The following LONP1 variants were observed in gnomAD, a reference collection of about 807,000 sequenced individuals.
LONP1 encodes the protein lon protease homolog, mitochondrial.
Under a neutral mutation model 98.5 loss-of-function variants are expected in LONP1, and 31 were observed. The observed-to-expected ratio is 0.31, with a 90% CI of 0.24 to 0.42. LONP1 has a LOEUF of 0.42. Among genes scored for constraint, LONP1 ranks in the 20% least tolerant of loss-of-function variants. The pLI is 1.00. For missense variants in LONP1, 1,336 were observed against 1,350.6 expected (o/e 0.99, Z 0.17); for synonymous variants, 781 against 594.7 (o/e 1.31, Z -4.56).
chr19:5,702,183 G>T (rs1428775363), intron 8 of LONP1, among the ~76,000 whole-genome samples: 14 of 149,508 alleles, frequency 9.4e-5, no homozygotes, highest in African/African-American at 3.5e-4. Context: ...CCGGCCAGCC[G>T]CCCCCTCCGG....
At chr19:5,714,559 C>A (rs1249618664) in intron 1 of LONP1, among the ~76,000 whole-genome samples, 2 of 151,750 alleles carry the variant, frequency 1.3e-5, no homozygotes, top group African/African-American at 4.8e-5. Flanking sequence ...CCCACCTCAG[C>A]CTCCCAAAAT....
rs527565499 is a variant in LONP1, at chr19:5,715,643, TAAAAAAAAAAAAAA to T, written c.430-1386_430-1373del. Among the ~76,000 whole-genome samples, 87 of 31,094 alleles carry T rather than the reference TAAAAAAAAAAAAAA, an allele frequency of 2.8e-3. 2 individuals are homozygous for T. Among genetic ancestry groups the T allele is most frequent in the East Asian group, 0.011 (5 of 458 alleles). 20.4% of individuals were successfully genotyped at this position (31,094 alleles called of 152,430 possible). On this transcript the variant is annotated intron_variant, in intron 1 of 17. Transcript: ENST00000360614. ...GGCGACAGAGTGAGACTCTGTCTCATAAAAAAAAAAAAAAAAAAAAAAAAAAAAAAAAAAAAGAA... is the reference window on the plus strand; with the variant it reads ...GGCGACAGAGTGAGACTCTGTCTCATAAAAAAAAAAAAAAAAAAAAAAGAA...
Position 5,716,253 on chromosome 19 carries a change from A to AATATAT in LONP1, c.430-1983_430-1982insATATAT, listed in dbSNP as rs1200539692. On this transcript the variant is annotated intron_variant, in intron 1 of 17. Coordinates refer to ENST00000360614, the MANE Select transcript of LONP1 (RefSeq NM_004793.4). Reference sequence around the variant, plus strand: ...ATTCTTTATTATATAATAAAGTTAAAATATACATATATATATATATATATA... The same window carrying AATATAT: ...ATTCTTTATTATATAATAAAGTTAAAATATATATATACATATATATATATATATATA... 3.9e-3 allele frequency among the ~76,000 whole-genome samples: 281 copies of AATATAT among 71,688 alleles called. 6 individuals are homozygous for AATATAT. The highest frequency in any genetic ancestry group is 4.9e-3 in the Non-Finnish European group (187 of 37,892). 47.0% of individuals were successfully genotyped at this position (71,688 alleles called of 152,430 possible).
chr19:5,695,303 A>G (rs566020958), intron 13 of LONP1, among the ~76,000 whole-genome samples: 21 of 152,100 alleles, frequency 1.4e-4, no homozygotes, highest in African/African-American at 4.6e-4. Context: ...GCCCCACACA[A>G]TTCTTGCCAC....
chr19:5,704,764 C>T (rs971625011), intron 8 of LONP1, among the ~76,000 whole-genome samples: 2 of 152,210 alleles, frequency 1.3e-5, no homozygotes, highest in Non-Finnish European at 2.9e-5. Context: ...AAGGCCAGTG[C>T]TGCGGGAAGG....
chr19:5,694,651 GTGGGGTGA>G, intron 14 of LONP1, 99 bp from the exon 15 acceptor site: 5 of 1,564,230 alleles, frequency 3.2e-6, no homozygotes, highest in Non-Finnish European at 4.4e-6. Flanking sequence ...GCGCGGGGTG[GTGGGGTGA>G]TGGGCGCAGG....
rs940337597 is a variant in LONP1 at position 5,692,089 on chromosome 19, C to T, written c.2823G>A (p.Glu941=). ...LEVHFVEHYR[E]IFDIAFPDEQ... Reference sequence around the variant, plus strand: ...CGTCCGGGAAGGCGATGTCGAAGATCTCCCGGTAGTGTTCCACGAAGTGCA... The same window carrying T: ...CGTCCGGGAAGGCGATGTCGAAGATTTCCCGGTAGTGTTCCACGAAGTGCA... The change falls in exon 18 of 18, where the codon GAG becomes GAA. Residue 941 remains glutamate, a synonymous_variant. Transcript: ENST00000360614. The T allele has an allele frequency of 1.9e-6, 3 of 1,610,572 alleles. No individual in the cohort carries two copies. Among genetic ancestry groups the T allele is most frequent in the Admixed American group, 1.7e-5 (1 of 59,702 alleles).
At chr19:5,715,607 A>C (rs1270717294) in intron 1 of LONP1, among the ~76,000 whole-genome samples, 2 of 126,800 alleles carry the variant, frequency 1.6e-5, no homozygotes, top group Non-Finnish European at 3.2e-5. Flanking sequence ...ACGCCACTGC[A>C]CTCCAGCCTG....
At chr19:5,702,367 CCCCGCCCGGCCAGCCG>C (rs1444015137) in intron 8 of LONP1, among the ~76,000 whole-genome samples, 2 of 149,168 alleles carry the variant, frequency 1.3e-5, no homozygotes, top group African/African-American at 5.0e-5. Context: ...GGGGTCAGCC[CCCCGCCCGGCCAGCCG>C]CCCCGTCCGG....
chr19:5,695,937 G>T lies in LONP1; in HGVS notation c.2013+117C>A. On this transcript the variant is annotated intron_variant, in intron 13 of 17. Coordinates refer to ENST00000360614, the MANE Select transcript of LONP1 (RefSeq NM_004793.4). ...TCACGGCCCCATCTGCTCCTCGGCCGCAGGTCCCACCTGTCTCTCCCGGGC... is the reference window on the plus strand; with the variant it reads ...TCACGGCCCCATCTGCTCCTCGGCCTCAGGTCCCACCTGTCTCTCCCGGGC... 2 of 861,750 alleles carry T rather than the reference G, an allele frequency of 2.3e-6. 1 individual carries two copies. The highest frequency in any genetic ancestry group is 3.4e-5 in the South Asian group (2 of 59,052). 53.4% of individuals were successfully genotyped at this position (861,750 alleles called of 1,614,324 possible). A position where few individuals can be genotyped will look rare whatever the true frequency, so the allele number is the denominator to read the frequency against.
chr19:5,706,058 G>A (rs1212631533), intron 7 of LONP1, 66 bp from the exon 8 acceptor site: 1 of 1,016,570 alleles, frequency 9.8e-7, no homozygotes, highest in South Asian at 1.3e-5. Flanking sequence ...TGCGTCCCCA[G>A]ACGAAGGGGG....
chr19:5,714,521 T>C (rs944609272), intron 1 of LONP1, among the ~76,000 whole-genome samples: 2 of 151,690 alleles, frequency 1.3e-5, no homozygotes, highest in Non-Finnish European at 2.9e-5. Context: ...GCCAGGTTGG[T>C]CTCGAACTCC....
At chr19:5,720,333 C>A, upstream of LONP1, 1 of 766,530 alleles carries the variant, frequency 1.3e-6, no homozygotes, top group Admixed American at 3.7e-5. Flanking sequence ...CCACTTTATG[C>A]GCTGAAGGCC....
chr19:5,709,975 TCA>T, intron 4 of LONP1, among the ~76,000 whole-genome samples: 1 of 147,588 alleles, frequency 6.8e-6, no homozygotes, highest in East Asian at 2.0e-4. Flanking sequence ...CCAGTTCTAA[TCA>T]CATTTGTAAG....
chr19:5,718,199 C>CA (rs1472139954), intron 1 of LONP1, among the ~76,000 whole-genome samples: 7 of 151,950 alleles, frequency 4.6e-5, no homozygotes, highest in Non-Finnish European at 8.8e-5. Context: ...GCCTTGGGGC[C>CA]GGGCGCAGTG....
intron 3 of LONP1, 47 bp downstream of exon 3, chr19:5,713,087 C>A (rs376331277): frequency 9.3e-6 from 15 of 1,612,580 alleles, no homozygotes; most frequent in African/African-American, 1.3e-5. Context: ...TGGTCTCCCG[C>A]GTGGTACTCT....
intron 1 of LONP1, among the ~76,000 whole-genome samples, chr19:5,714,618 CTT>C (rs369231779): frequency 2.1e-4 from 27 of 127,822 alleles, no homozygotes; most frequent in Middle Eastern, 4.7e-3. Context: ...GGTAGCTTTT[CTT>C]TTTTTTTTTT....
intron 10 of LONP1, among the ~76,000 whole-genome samples, chr19:5,698,082 C>T (rs1478105089): frequency 6.6e-6 from 1 of 150,682 alleles, no homozygotes; most frequent in Admixed American, 6.6e-5. Context: ...CACCCCCCAC[C>T]CCCTAGTCAA....
Position 5,695,958 on chromosome 19 carries a change from C to A in LONP1, c.2013+96G>T, listed in dbSNP as rs1268426184. 3.6e-6 allele frequency: 4 copies of A among 1,104,158 alleles called. No homozygotes were observed. The East Asian group carries it at 7.7e-5, about 21-fold the overall frequency. 68.4% of individuals were successfully genotyped at this position (1,104,158 alleles called of 1,614,324 possible). A position where few individuals can be genotyped will look rare whatever the true frequency, so the allele number is the denominator to read the frequency against. On this transcript the variant is annotated intron_variant, in intron 13 of 17. Coordinates refer to ENST00000360614, the MANE Select transcript of LONP1 (RefSeq NM_004793.4). ...GGCCGCAGGTCCCACCTGTCTCTCC[C>A]GGGCCCAGGAGCTCCCAGAGGCACG...
Sources: allele counts gnomAD v4.1 joint callset (sites outside exome capture counted in the v4.1 genomes callset), GRCh38; gene constraint gnomAD v4.1.1; transcripts MANE v1.5; gene names NCBI Gene and HGNC (gene_info 2026-07-23, HGNC 2026-07-21).